The following ACP1 variants were observed in gnomAD, a reference collection of about 807,000 sequenced individuals.
ACP1 encodes the protein low molecular weight phosphotyrosine protein phosphatase.
A neutral mutation model predicts 23.4 loss-of-function variants in ACP1; 23 were observed. The ratio of observed to expected loss-of-function variants is 0.98; its 90% CI spans 0.71 to 1.39. The LOEUF (loss-of-function observed/expected upper bound fraction) is 1.39, where lower values mean the gene tolerates loss of function less well. ACP1 is among the 40% of genes most tolerant of loss of function. The pLI, the probability that ACP1 is intolerant of heterozygous loss-of-function variation, is 0.00. For synonymous variants in ACP1, 72 were observed against 67.2 expected (o/e 1.07, Z -0.35); for missense variants, 180 against 197.7 (o/e 0.91, Z 0.54).
Position 277,483 on chromosome 2 carries a change from A to C in ACP1, c.*179A>C, listed in dbSNP as rs1026978971. 10 of 618,134 alleles carry C rather than the reference A, an allele frequency of 1.6e-5. No individual in the cohort carries two copies. Among genetic ancestry groups the C allele is most frequent in the Middle Eastern group, 4.4e-4 (1 of 2,272 alleles). The allele number at this position is 618,134 out of a possible 1,614,324, so 38.3% of individuals were successfully genotyped here. A position where few individuals can be genotyped will look rare whatever the true frequency, so the allele number is the denominator to read the frequency against. ...GAAATCAGTTGTGTTTGGCAGGAGA[A>C]TCAATAAAAATCTTTGATTCAGACA... is the stretch of plus-strand genomic sequence containing the variant. On this transcript the variant is annotated 3_prime_UTR_variant, in exon 6 of 6. Coordinates refer to ENST00000272065, the MANE Select transcript of ACP1 (RefSeq NM_004300.4).
At chr2:277,122 C>A (rs756935681) in intron 5 of ACP1, 37 bp downstream of exon 5, 1 of 1,566,318 alleles carries the variant, frequency 6.4e-7, no homozygotes, top group Non-Finnish European at 8.8e-7. Context: ...AATATGAAGA[C>A]CCAACACATT....
intron 3 of ACP1, among the ~76,000 whole-genome samples, chr2:274,066 G>A (rs1404304494): frequency 1.3e-5 from 2 of 152,178 alleles, no homozygotes; most frequent in African/African-American, 2.4e-5. Flanking sequence ...GGGAGGCTGA[G>A]GTAGGAGGTT....
chr2:266,008 G>T (rs1669866800), intron 1 of ACP1, among the ~76,000 whole-genome samples: 1 of 152,054 alleles, frequency 6.6e-6, no homozygotes, highest in Admixed American at 6.5e-5. Flanking sequence ...ATCATGAGTT[G>T]CTTCCTTATC....
At position 277,229 on chromosome 2, in the gene ACP1, G is replaced by A. The variant is rs34540815; in HGVS notation, c.402G>A (p.Gly134=). Residue 134 remains glycine (G), a splice_region_variant and synonymous_variant, in exon 6 of 6, where the codon GGG becomes GGA. Transcript: ENST00000272065. Reference sequence around the variant, plus strand: ...TCTTCTTTTTCCTGTCCATTTAGGGGAATGACTCTGACTTTGAGACGGTGT... The same window carrying A: ...TCTTCTTTTTCCTGTCCATTTAGGGAAATGACTCTGACTTTGAGACGGTGT... ...KQLIIEDPYY[G]NDSDFETVYQ... The A allele has an allele frequency of 7.0e-3, 11,378 of 1,614,026 alleles. 68 individuals are homozygous for A. Among genetic ancestry groups the A allele is most frequent in the Non-Finnish European group, 8.3e-3 (9,754 of 1,179,976 alleles).
chr2:268,007 T>C (rs1185149961), intron 1 of ACP1, among the ~76,000 whole-genome samples: 2 of 152,234 alleles, frequency 1.3e-5, no homozygotes, highest in Non-Finnish European at 2.9e-5. Context: ...CTTACCGCTG[T>C]GGGCTGTACA....
chr2:275,044 C>A (rs1012522985), intron 3 of ACP1, 96 bp from the exon 4 acceptor site: 4 of 499,802 alleles, frequency 8.0e-6, no homozygotes, highest in Non-Finnish European at 7.1e-6. Flanking sequence ...GTAACAGGCT[C>A]AAATACAGCA....
At chr2:273,174 G>GGAGAGA (rs374373618) in intron 3 of ACP1, 3 of 152,378 alleles carry the variant, frequency 2.0e-5, no homozygotes, top group African/African-American at 7.3e-5. Flanking sequence ...GGGAAACAGA[G>GGAGAGA]GAGAGAGAGA....
At chr2:275,241 G>A in intron 4 of ACP1, 40 bp downstream of exon 4, 1 of 1,192,894 alleles carries the variant, frequency 8.4e-7, no homozygotes, top group Non-Finnish European at 1.2e-6. Context: ...TCAACTCTCA[G>A]TTCAGCAGTG....
At chr2:266,574 T>A (rs2103070138) in intron 1 of ACP1, among the ~76,000 whole-genome samples, 1 of 152,304 alleles carries the variant, frequency 6.6e-6, no homozygotes, top group South Asian at 2.1e-4. Context: ...CTGTGGGTAG[T>A]ACCAAACCCA....
At position 272,048 on chromosome 2, in the gene ACP1, C is replaced by T. The variant is rs1130612; in HGVS notation, c.129C>T (p.Asp43=). 1 of 1,613,264 alleles carries T rather than the reference C, an allele frequency of 6.2e-7. No individual in the cohort carries two copies. The highest frequency in any genetic ancestry group is 8.5e-7 in the Non-Finnish European group (1 of 1,179,866). ...TTCTTCCCCTGCAGTGGAGGGTAGA[C>T]AGCGCGGCAACTTCCGGGTATGAGA... ...DQNISENWRV[D]SAATSGYEIG... is the part of the protein sequence containing the mutation. The change falls in exon 3 of 6, where the codon GAC becomes GAT. Residue 43 remains aspartate (D), a synonymous_variant. Coordinates refer to ENST00000272065, the MANE Select transcript of ACP1 (RefSeq NM_004300.4).
chr2:265,266 C>T (rs923324841), intron 1 of ACP1: 2 of 467,586 alleles, frequency 4.3e-6, no homozygotes, highest in African/African-American at 2.1e-5. Context: ...AGCCACAGCC[C>T]CTACAAGCCA....
intron 5 of ACP1, 36 bp from the exon 6 acceptor site, chr2:277,191 G>A: frequency 1.2e-6 from 2 of 1,610,086 alleles, no homozygotes; most frequent in Non-Finnish European, 1.7e-6. Flanking sequence ...TTGTTATGCA[G>A]GTTTTGCCAT....
In ACP1 at chr2:264,947, G is replaced by A. The variant is rs1206314302; in HGVS notation, c.-18G>A. ...GTGCGGAACGCCGCGGTGTCTCGGCGCCTCTGCGCGCGGGAAGATGGCGGA... is the reference window on the plus strand; with the variant it reads ...GTGCGGAACGCCGCGGTGTCTCGGCACCTCTGCGCGCGGGAAGATGGCGGA... On this transcript the variant is annotated 5_prime_UTR_variant, in exon 1 of 6. Coordinates refer to ENST00000272065, the MANE Select transcript of ACP1 (RefSeq NM_004300.4). 3 of 1,611,564 alleles carry A rather than the reference G, an allele frequency of 1.9e-6. No homozygotes were observed. Among genetic ancestry groups the A allele is most frequent in the Non-Finnish European group, 2.5e-6 (3 of 1,178,944 alleles).
At chr2:274,900 C>T in intron 3 of ACP1, 1 of 310,344 alleles carries the variant, frequency 3.2e-6, no homozygotes, top group Non-Finnish European at 5.9e-6. Context: ...ATTGTGTCTA[C>T]ACATTATACT....
intron 1 of ACP1, among the ~76,000 whole-genome samples, chr2:269,969 T>A (rs1669986784): frequency 6.6e-6 from 1 of 152,216 alleles, no homozygotes; most frequent in Admixed American, 6.5e-5. Context: ...TTAACCTGTC[T>A]TTTGTTACAG....
intron 3 of ACP1, chr2:272,601 A>T: frequency 2.7e-6 from 2 of 746,114 alleles, no homozygotes; most frequent in Non-Finnish European, 4.0e-6. Context: ...AATTTTTATT[A>T]AACATTTAGG....
intron 1 of ACP1, among the ~76,000 whole-genome samples, chr2:267,634 C>G (rs915878496): frequency 6.6e-6 from 1 of 152,208 alleles, no homozygotes; most frequent in Non-Finnish European, 1.5e-5. Flanking sequence ...GATAGTTTTT[C>G]TCAGTCAGGA....
intron 1 of ACP1, among the ~76,000 whole-genome samples, chr2:266,596 T>A (rs1669890324): frequency 6.6e-6 from 1 of 152,192 alleles, no homozygotes. Context: ...TTGCTGTCAA[T>A]TGGAACATGT....
intron 1 of ACP1, chr2:269,272 TTTG>T (rs1189370609): frequency 2.1e-6 from 1 of 469,728 alleles, no homozygotes; most frequent in Admixed American, 2.4e-5. Context: ...TCAAGGCTAA[TTTG>T]TTGTCTTTCC....
Sources: gnomAD v4.1 joint callset for allele counts (sites outside exome capture counted in the v4.1 genomes callset) on GRCh38, gnomAD v4.1.1 for gene constraint, MANE v1.5 for transcripts, NCBI Gene and HGNC (gene_info 2026-07-23, HGNC 2026-07-21) for gene names.